ATXN1: variants seen among roughly 807,000 people sequenced by gnomAD.
ATXN1 encodes the protein ataxin 1.
A neutral mutation model predicts 56.4 loss-of-function variants in ATXN1; 8 were observed. That is an observed-to-expected ratio of 0.14 (90% CI 0.08 to 0.26). ATXN1 has a LOEUF of 0.26. Among genes scored for constraint, ATXN1 ranks in the 10% least tolerant of loss-of-function variants. The probability of loss-of-function intolerance (pLI) is 1.00; values close to 1 mark genes in which losing one functional copy is unlikely to be tolerated. For missense variants in ATXN1, 987 were observed against 1,106.5 expected (o/e 0.89, Z 1.53); for synonymous variants, 514 against 494.6 (o/e 1.04, Z -0.52).
At chr6:16,526,076 A>C (rs1761389648) in intron 4 of ATXN1, among the ~76,000 whole-genome samples, 2 of 88,068 alleles carry the variant, frequency 2.3e-5, no homozygotes, top group African/African-American at 5.6e-5. Flanking sequence ...CATACATACA[A>C]TCTATTTATA....
rs1315603783 is a variant in ATXN1, at chr6:16,522,245, T to A, written c.-299+382A>T. 3.9e-5 allele frequency among the ~76,000 whole-genome samples: 6 copies of A among 152,220 alleles called. No individual in the cohort carries two copies. The South Asian group carries it at 6.2e-4, about 16-fold the overall frequency. On this transcript the variant is annotated intron_variant, in intron 5 of 7. Coordinates refer to ENST00000436367, the MANE Select transcript of ATXN1 (RefSeq NM_001128164.2). ...GGTGCTCATATCCTGTTATTCTTGGTCATGGAATTCAAAAGACATCACAGT... is the reference window on the plus strand; with the variant it reads ...GGTGCTCATATCCTGTTATTCTTGGACATGGAATTCAAAAGACATCACAGT...
At chr6:16,758,896 T>C (rs1760971738) in intron 1 of ATXN1, among the ~76,000 whole-genome samples, 1 of 152,256 alleles carries the variant, frequency 6.6e-6, no homozygotes, top group Non-Finnish European at 1.5e-5. Flanking sequence ...GCCACAGCGC[T>C]AGCCGTTATG....
chr6:16,436,152 C>T (rs762193268), intron 6 of ATXN1, among the ~76,000 whole-genome samples: 47 of 152,292 alleles, frequency 3.1e-4, no homozygotes, highest in African/African-American at 1.1e-3. Flanking sequence ...CCTGCTTCAG[C>T]CTCCCAAAGT....
intron 6 of ATXN1, among the ~76,000 whole-genome samples, chr6:16,476,816 C>A (rs1385855324): frequency 1.3e-5 from 2 of 152,188 alleles, no homozygotes; most frequent in Non-Finnish European, 2.9e-5. Context: ...TCTTCACTAC[C>A]AGCCCTTATT....
intron 7 of ATXN1, among the ~76,000 whole-genome samples, chr6:16,313,558 ATT>A (rs527792987): frequency 5.6e-5 from 8 of 143,550 alleles, no homozygotes; most frequent in Admixed American, 1.4e-4. Flanking sequence ...CGTTAATGGA[ATT>A]TTTTTTTTTT....
chr6:16,611,972 G>A (rs1486885097), intron 3 of ATXN1, among the ~76,000 whole-genome samples: 7 of 139,556 alleles, frequency 5.0e-5, no homozygotes, highest in Non-Finnish European at 4.5e-5. Context: ...CCATTCTCCT[G>A]CCTCAGCCTT....
intron 6 of ATXN1, among the ~76,000 whole-genome samples, chr6:16,436,286 C>T (rs1759387590): frequency 6.6e-6 from 1 of 152,138 alleles, no homozygotes; most frequent in Non-Finnish European, 1.5e-5. Flanking sequence ...TATTAACACC[C>T]TCATAACCCA....
At chr6:16,700,416 C>T (rs540940841) in intron 2 of ATXN1, among the ~76,000 whole-genome samples, 1 of 152,110 alleles carries the variant, frequency 6.6e-6, no homozygotes, top group Non-Finnish European at 1.5e-5. Context: ...ACCAGCCGAC[C>T]CCTTACGGCC....
chr6:16,307,169 C>G lies in ATXN1; in HGVS notation c.1918-310G>C, dbSNP rs142748777. On this transcript the variant is annotated intron_variant, in intron 7 of 7. Transcript: ENST00000436367. ...TCTGTTAGAACCAGTCAATCGAACCCCAGTAATGACAGAGCACCCACTTAG... is the reference window on the plus strand; with the variant it reads ...TCTGTTAGAACCAGTCAATCGAACCGCAGTAATGACAGAGCACCCACTTAG... Among the ~76,000 whole-genome samples the G allele has an allele frequency of 7.7e-4, 117 of 152,322 alleles. 3 individuals are homozygous for G. The East Asian group carries it at 0.018, about 23-fold the overall frequency.
intron 2 of ATXN1, among the ~76,000 whole-genome samples, chr6:16,712,393 C>T (rs547014335): frequency 6.6e-5 from 10 of 152,206 alleles, no homozygotes; most frequent in African/African-American, 2.2e-4. Context: ...GCAAGGCAGA[C>T]AGCAAGTGAG....
chr6:16,416,287 T>A (rs1293301878), intron 6 of ATXN1, among the ~76,000 whole-genome samples: 1 of 152,198 alleles, frequency 6.6e-6, no homozygotes, highest in Non-Finnish European at 1.5e-5. Flanking sequence ...TCAATATAGA[T>A]TAAATTAATG....
chr6:16,347,285 C>G (rs1237296852), intron 6 of ATXN1, among the ~76,000 whole-genome samples: 1 of 152,258 alleles, frequency 6.6e-6, no homozygotes, highest in Non-Finnish European at 1.5e-5. Context: ...CTAGGTGAAG[C>G]CAGCTGGGCT....
intron 2 of ATXN1, among the ~76,000 whole-genome samples, chr6:16,745,299 G>A (rs547491): frequency 0.68 from 104,009 of 152,076 alleles, 36,625 homozygotes; most frequent in East Asian, 0.94. Flanking sequence ...AAAGACATTC[G>A]CTGCGGCTTT....
chr6:16,380,243 G>A (rs747504216), intron 6 of ATXN1, among the ~76,000 whole-genome samples: 14 of 152,100 alleles, frequency 9.2e-5, no homozygotes, highest in Non-Finnish European at 4.4e-5. Context: ...TCATACCCAC[G>A]GAACAGAGAC....
chr6:16,590,401 AT>A (rs1470697678), intron 3 of ATXN1, among the ~76,000 whole-genome samples: 1 of 152,206 alleles, frequency 6.6e-6, no homozygotes, highest in Non-Finnish European at 1.5e-5. Flanking sequence ...GGTAATAGTT[AT>A]TTTACGAAGC....
intron 7 of ATXN1, among the ~76,000 whole-genome samples, chr6:16,321,127 T>G (rs1327142934): frequency 1.3e-5 from 2 of 152,124 alleles, no homozygotes; most frequent in African/African-American, 4.8e-5. Flanking sequence ...CAGACTCAGA[T>G]CTCTTCAGTG....
chr6:16,533,046 A>G (rs987942644), intron 4 of ATXN1, among the ~76,000 whole-genome samples: 3 of 152,216 alleles, frequency 2.0e-5, no homozygotes, highest in African/African-American at 4.8e-5. Flanking sequence ...ATTCAGCCCT[A>G]AAGAGGAAGG....
At chr6:16,486,453 T>C (rs1760546574) in intron 5 of ATXN1, among the ~76,000 whole-genome samples, 1 of 152,166 alleles carries the variant, frequency 6.6e-6, no homozygotes, top group African/African-American at 2.4e-5. Flanking sequence ...CATATCTTAC[T>C]GGGTCATGGA....
At chr6:16,617,852 G>A (rs552078618) in intron 3 of ATXN1, among the ~76,000 whole-genome samples, 22 of 151,236 alleles carry the variant, frequency 1.5e-4, no homozygotes, top group Admixed American at 2.6e-4. Context: ...TCTCCTCTCA[G>A]TGGGGCAAAA....
Sources: allele counts gnomAD v4.1 joint callset (sites outside exome capture counted in the v4.1 genomes callset), GRCh38; gene constraint gnomAD v4.1.1; transcripts MANE v1.5; gene names NCBI Gene and HGNC (gene_info 2026-07-23, HGNC 2026-07-21).